LAMA2: variants seen among roughly 807,000 people sequenced by gnomAD.
The protein encoded by LAMA2 is laminin subunit alpha 2, also known as laminin subunit alpha-2.
In LAMA2, 269 loss-of-function variants were observed where a neutral mutation model predicts 364.8. That is an observed-to-expected ratio of 0.74 (90% CI 0.67 to 0.82). LAMA2 has a LOEUF of 0.82. Among genes scored for constraint, LAMA2 ranks in the 40% least tolerant of loss-of-function variants. The probability of loss-of-function intolerance (pLI) is 0.00; values close to 1 mark genes in which losing one functional copy is unlikely to be tolerated. For synonymous variants in LAMA2, 1,379 were observed against 1,370.6 expected (o/e 1.01, Z -0.14); for missense variants, 3,807 against 3,873.2 (o/e 0.98, Z 0.45).
At chr6:129,507,737 AACTAGTATCCTTT>A in intron 62 of LAMA2, 95 bp downstream of exon 62, 1 of 1,266,442 alleles carries the variant, frequency 7.9e-7, no homozygotes, top group Non-Finnish European at 1.2e-6. Context: ...TAGAGTCCTA[AACTAGTATCCTTT>A]ATTTAAGCCA....
At chr6:128,967,549 T>A (rs1781920117) in intron 1 of LAMA2, among the ~76,000 whole-genome samples, 1 of 152,164 alleles carries the variant, frequency 6.6e-6, no homozygotes, top group Non-Finnish European at 1.5e-5. Context: ...AGGGGGTGAC[T>A]AAAATCTATA....
chr6:129,158,435 A>G, intron 8 of LAMA2: 1 of 1,613,970 alleles, frequency 6.2e-7, no homozygotes, highest in South Asian at 1.1e-5. Context: ...GTTTGGCAAT[A>G]GTTCGCTGAA....
intron 40 of LAMA2, among the ~76,000 whole-genome samples, chr6:129,424,280 T>C (rs1299796241): frequency 6.6e-6 from 1 of 151,674 alleles, no homozygotes; most frequent in Non-Finnish European, 1.5e-5. Flanking sequence ...TCTAAAAATA[T>C]ATAAGAAAAA....
chr6:129,165,785 TA>T (rs1376204283), intron 9 of LAMA2, 110 bp downstream of exon 9: 1 of 758,804 alleles, frequency 1.3e-6, no homozygotes, highest in Admixed American at 2.0e-5. Flanking sequence ...GTAATAAATT[TA>T]TTCTTTAATC....
At position 129,419,056 on chromosome 6, in the gene LAMA2, A is replaced by AT. The variant is rs879882869; in HGVS notation, c.5866-8685dup. Among the ~76,000 whole-genome samples the AT allele has an allele frequency of 5.6e-3, 829 of 146,748 alleles. 6 individuals are homozygous for AT. Among genetic ancestry groups the AT allele is most frequent in the African/African-American group, 0.012 (495 of 40,214 alleles). ...TAGCAAAGCCATGCTGGCTTTAGTGATTTTTTTTTTTGTACATGATACTCT... is the reference window on the plus strand; with the variant it reads ...TAGCAAAGCCATGCTGGCTTTAGTGATTTTTTTTTTTTGTACATGATACTCT... On this transcript the variant is annotated intron_variant, in intron 40 of 64. Transcript: ENST00000421865.
At position 128,924,676 on chromosome 6, in the gene LAMA2, G is replaced by A. The variant is rs113976024; in HGVS notation, c.112+41319G>A. Among the ~76,000 whole-genome samples the A allele has an allele frequency of 7.8e-3, 1,187 of 152,214 alleles. 13 individuals carry two copies. The highest frequency in any genetic ancestry group is 0.029 in the Admixed American group (440 of 15,290). On this transcript the variant is annotated intron_variant, in intron 1 of 64. Coordinates refer to ENST00000421865, the MANE Select transcript of LAMA2 (RefSeq NM_000426.4). Reference sequence around the variant, plus strand: ...TGTACAGGTAGCTAGGGTGCCCCCCGTCTTCCCTGCTGGATTTGTAGGTCC... The same window carrying A: ...TGTACAGGTAGCTAGGGTGCCCCCCATCTTCCCTGCTGGATTTGTAGGTCC...
chr6:129,106,873 A>ATAT (rs200900181), intron 4 of LAMA2, among the ~76,000 whole-genome samples: 408 of 132,468 alleles, frequency 3.1e-3, no homozygotes, highest in African/African-American at 0.011. Context: ...AAAAAAAAAA[A>ATAT]AAATATATAT....
intron 12 of LAMA2, among the ~76,000 whole-genome samples, chr6:129,237,174 A>G: frequency 6.6e-6 from 1 of 152,214 alleles, no homozygotes; most frequent in East Asian, 1.9e-4. Flanking sequence ...ACATATCCAA[A>G]GCCACATTGT....
chr6:129,193,612 C>T (rs1480939530), intron 12 of LAMA2, among the ~76,000 whole-genome samples: 1 of 152,302 alleles, frequency 6.6e-6, no homozygotes, highest in African/African-American at 2.4e-5. Context: ...AACGTGAATA[C>T]TTGCTTGTTC....
At chr6:128,922,848 C>T (rs918388758) in intron 1 of LAMA2, among the ~76,000 whole-genome samples, 13 of 152,102 alleles carry the variant, frequency 8.5e-5, no homozygotes, top group Non-Finnish European at 1.0e-4. Flanking sequence ...TTAGGTCTAA[C>T]GTTTAATTCT....
intron 12 of LAMA2, among the ~76,000 whole-genome samples, chr6:129,242,648 C>T (rs1183448098): frequency 6.6e-6 from 1 of 152,090 alleles, no homozygotes; most frequent in Non-Finnish European, 1.5e-5. Context: ...ACAAATTAAT[C>T]TAGCCCATAG....
At chr6:129,385,933 C>T (rs1314638954) in intron 35 of LAMA2, among the ~76,000 whole-genome samples, 1 of 152,106 alleles carries the variant, frequency 6.6e-6, no homozygotes, top group Non-Finnish European at 1.5e-5. Context: ...TTTATAGATA[C>T]TGTATGCCTC....
At chr6:128,886,744 T>C (rs1349260133) in intron 1 of LAMA2, among the ~76,000 whole-genome samples, 1 of 152,184 alleles carries the variant, frequency 6.6e-6, no homozygotes, top group Non-Finnish European at 1.5e-5. Flanking sequence ...ACAACCAGGT[T>C]TGAATTTTAT....
At chr6:129,346,219 C>G (rs1006166043) in intron 30 of LAMA2, among the ~76,000 whole-genome samples, 25 of 152,336 alleles carry the variant, frequency 1.6e-4, no homozygotes, top group African/African-American at 5.5e-4. Context: ...TGTAATCTGA[C>G]TACCTTTCCA....
chr6:129,084,416 A>T (rs896936114), intron 3 of LAMA2, among the ~76,000 whole-genome samples: 2 of 45,982 alleles, frequency 4.3e-5, no homozygotes, highest in Non-Finnish European at 9.1e-5. Context: ...TAAGCATGTG[A>T]TACATTTCTA....
intron 9 of LAMA2, among the ~76,000 whole-genome samples, chr6:129,170,973 T>G (rs1245391689): frequency 1.3e-5 from 2 of 151,666 alleles, no homozygotes; most frequent in South Asian, 2.1e-4. Context: ...TAAAGTCTGT[T>G]TTATCAGAGA....
At chr6:129,189,895 A>C (rs546071401) in intron 10 of LAMA2, among the ~76,000 whole-genome samples, 2 of 152,148 alleles carry the variant, frequency 1.3e-5, no homozygotes, top group Admixed American at 6.5e-5. Flanking sequence ...ATTTTAGTCA[A>C]TCTAATGCAT....
At chr6:129,345,584 C>T (rs1334945169) in intron 30 of LAMA2, among the ~76,000 whole-genome samples, 1 of 152,044 alleles carries the variant, frequency 6.6e-6, no homozygotes, top group African/African-American at 2.4e-5. Context: ...ATCAAAATAT[C>T]AAATTAAAAT....
intron 32 of LAMA2, among the ~76,000 whole-genome samples, chr6:129,355,659 G>T (rs1252378811): frequency 6.6e-6 from 1 of 152,108 alleles, no homozygotes; most frequent in Non-Finnish European, 1.5e-5. Flanking sequence ...TGTAGTAAGA[G>T]AAATGTCTGC....
Sources: allele counts gnomAD v4.1 joint callset (sites outside exome capture counted in the v4.1 genomes callset), GRCh38; gene constraint gnomAD v4.1.1; transcripts MANE v1.5; gene names NCBI Gene and HGNC (gene_info 2026-07-23, HGNC 2026-07-21).